TXNRD2: variants seen among roughly 807,000 people sequenced by gnomAD.
TXNRD2 encodes thioredoxin reductase 2, mitochondrial.
In TXNRD2, 67 loss-of-function variants were observed where a neutral mutation model predicts 70.8. The ratio of observed to expected loss-of-function variants is 0.95; its 90% CI spans 0.78 to 1.16. TXNRD2 has a LOEUF of 1.16. Ranked by LOEUF, TXNRD2 falls within the 50% of genes most tolerant of loss-of-function variation. TXNRD2 has a pLI of 0.00. For missense variants in TXNRD2, 644 were observed against 719.9 expected, an observed-to-expected ratio of 0.89 and a Z score of 1.21; for synonymous variants, 301 against 295.8, an observed-to-expected ratio of 1.02 and a Z score of -0.18.
At chr22:19,940,751 G>A (rs1246749445) in intron 1 of TXNRD2, among the ~76,000 whole-genome samples, 2 of 152,162 alleles carry the variant, frequency 1.3e-5, no homozygotes, top group Non-Finnish European at 2.9e-5. Flanking sequence ...AAGAAGCTTT[G>A]AAAGATGGAG....
At chr22:19,890,786 G>A (rs1019103705) in intron 11 of TXNRD2, among the ~76,000 whole-genome samples, 5 of 152,200 alleles carry the variant, frequency 3.3e-5, no homozygotes, top group African/African-American at 7.2e-5. Flanking sequence ...CTGAGTCTGC[G>A]GTGTACGGGA....
At chr22:19,912,972 C>T (rs1198860737) in intron 7 of TXNRD2, among the ~76,000 whole-genome samples, 1 of 152,326 alleles carries the variant, frequency 6.6e-6, no homozygotes, top group South Asian at 2.1e-4. Context: ...CCGAGAGAGC[C>T]GTGGTCTTCA....
chr22:19,905,311 G>A (rs1381883396), intron 8 of TXNRD2, among the ~76,000 whole-genome samples: 2 of 151,992 alleles, frequency 1.3e-5, no homozygotes, highest in African/African-American at 2.4e-5. Context: ...CCTTCTAAAC[G>A]AAAGAGCTTT....
intron 1 of TXNRD2, among the ~76,000 whole-genome samples, chr22:19,938,389 C>A (rs987415370): frequency 6.6e-6 from 1 of 152,156 alleles, no homozygotes; most frequent in East Asian, 1.9e-4. Flanking sequence ...TGGGCTCCAG[C>A]GGTGAAAAAG....
Position 19,875,633 on chromosome 22 carries a change from T to TG in TXNRD2, c.*239dup, listed in dbSNP as rs59339361. 1,696 of 151,090 alleles carry TG rather than the reference T, an allele frequency of 0.011. 20 individuals carry two copies. Among genetic ancestry groups the TG allele is most frequent in the Admixed American group, 0.039 (588 of 15,176 alleles). The allele number at this position is 151,090 out of a possible 1,614,324, so 9.4% of individuals were successfully genotyped here. On this transcript the variant is annotated 3_prime_UTR_variant, in exon 18 of 18. Transcript: ENST00000400521. ...TCGTCATCATCTGGCACCAGGAGCC[T>TG]GGGGGGGGGTGCCCGGCGGCAGAGG...
chr22:19,934,468 G>T (rs1010452259), intron 1 of TXNRD2, among the ~76,000 whole-genome samples: 9 of 151,946 alleles, frequency 5.9e-5, no homozygotes, highest in African/African-American at 2.2e-4. Context: ...CCCGAATGGA[G>T]GGACTGGCTG....
intron 11 of TXNRD2, among the ~76,000 whole-genome samples, chr22:19,889,627 A>T (rs1374791989): frequency 6.6e-6 from 1 of 150,388 alleles, no homozygotes; most frequent in East Asian, 2.0e-4. Flanking sequence ...AACAAAAAAC[A>T]ATTATTATTA....
At chr22:19,938,572 T>C (rs561324485) in intron 1 of TXNRD2, among the ~76,000 whole-genome samples, 1 of 152,284 alleles carries the variant, frequency 6.6e-6, no homozygotes, top group African/African-American at 2.4e-5. Flanking sequence ...TAGAAGGTGT[T>C]AGAAAAGCTG....
chr22:19,907,689 G>GCA (rs1569091111), intron 8 of TXNRD2, among the ~76,000 whole-genome samples: 2 of 41,224 alleles, frequency 4.9e-5, no homozygotes, highest in Non-Finnish European at 4.8e-5. Context: ...GAGTGTGGGC[G>GCA]CCGTGGGTAG....
rs117780043 is a variant in TXNRD2 at position 19,890,840 on chromosome 22, G to A, written c.949+4567C>T. Among the ~76,000 whole-genome samples, 69 of 152,338 alleles carry A rather than the reference G, an allele frequency of 4.5e-4. 2 individuals are homozygous for A. The East Asian group carries it at 0.013, about 28-fold the overall frequency. ...CTGAGCAAAGACAGTTGCCTGCCGT[G>A]TACATGCCAGCAAACAGTGCCTGGG... On this transcript the variant is annotated intron_variant, in intron 11 of 17. Coordinates refer to ENST00000400521, the MANE Select transcript of TXNRD2 (RefSeq NM_006440.5).
At chr22:19,929,326 CAAAA>C (rs34528546) in intron 2 of TXNRD2, among the ~76,000 whole-genome samples, 1 of 84,422 alleles carries the variant, frequency 1.2e-5, no homozygotes. Context: ...GACTCCATCT[CAAAA>C]AAAAAAAAAA....
chr22:19,907,937 G>T, intron 8 of TXNRD2, among the ~76,000 whole-genome samples: 1 of 79,624 alleles, frequency 1.3e-5, no homozygotes, highest in Non-Finnish European at 2.3e-5. Flanking sequence ...ACCATGGGTA[G>T]CAGTGACAGC....
At chr22:19,936,477 C>G (rs1941543225) in intron 1 of TXNRD2, among the ~76,000 whole-genome samples, 1 of 152,158 alleles carries the variant, frequency 6.6e-6, no homozygotes, top group African/African-American at 2.4e-5. Flanking sequence ...TCTATGCTAA[C>G]TCTTCCCTCT....
At position 19,902,082 on chromosome 22, in the gene TXNRD2, G is replaced by A. The variant is rs146844879; in HGVS notation, c.663-3014C>T. Among the ~76,000 whole-genome samples the A allele has an allele frequency of 5.3e-3, 811 of 152,212 alleles. 5 individuals are homozygous for A. The highest frequency in any genetic ancestry group is 0.018 in the African/African-American group (768 of 41,534). ...CATGGTGGTATGCACCTGTAGTCCC[G>A]GCTACTCGGGAGGCTGAGGAAGGAG... On this transcript the variant is annotated intron_variant, in intron 8 of 17. Coordinates refer to ENST00000400521, the MANE Select transcript of TXNRD2 (RefSeq NM_006440.5).
chr22:19,906,749 T>C (rs979167508), intron 8 of TXNRD2, among the ~76,000 whole-genome samples: 5 of 152,100 alleles, frequency 3.3e-5, no homozygotes, highest in Admixed American at 2.6e-4. Flanking sequence ...CCACGATCAG[T>C]GGGTCCAATG....
chr22:19,905,017 G>A (rs1939942974), intron 8 of TXNRD2, among the ~76,000 whole-genome samples: 1 of 152,170 alleles, frequency 6.6e-6, no homozygotes. Flanking sequence ...CTCAGCCCCA[G>A]CCCAAGCTGA....
chr22:19,898,074 T>C lies in TXNRD2; in HGVS notation c.739A>G (p.Met247Val), dbSNP rs776978897. 2 of 1,565,194 alleles carry C rather than the reference T, an allele frequency of 1.3e-6. No individual in the cohort carries two copies. The highest frequency in any genetic ancestry group is 1.7e-6 in the Non-Finnish European group (2 of 1,155,326). ...CCGCGGAGGGGGATGCTGCGCATCA[T>C]GATGGTGGTGTCCAGCCCAATCCCG... is the stretch of plus-strand genomic sequence containing the variant. ...LTGIGLDTTI[M>V]MRSIPLRGFD... The change falls in exon 10 of 18, where the codon ATG becomes GTG. Residue 247 changes from methionine (M) to valine (V), a missense_variant. Met to Val is a conservative substitution (Grantham distance 21). Transcript: ENST00000400521.
chr22:19,928,309 T>C (rs1475437244), intron 2 of TXNRD2, among the ~76,000 whole-genome samples: 1 of 151,492 alleles, frequency 6.6e-6, no homozygotes, highest in African/African-American at 2.4e-5. Context: ...GGCCAAAAGG[T>C]GGAAACAATT....
At chr22:19,936,042 G>A (rs1336891530) in intron 1 of TXNRD2, among the ~76,000 whole-genome samples, 1 of 152,158 alleles carries the variant, frequency 6.6e-6, no homozygotes, top group East Asian at 1.9e-4. Flanking sequence ...TCAGGGCAGT[G>A]GAAGAACACT....
Sources: allele counts gnomAD v4.1 joint callset (sites outside exome capture counted in the v4.1 genomes callset), GRCh38; gene constraint gnomAD v4.1.1; transcripts MANE v1.5; gene names NCBI Gene and HGNC (gene_info 2026-07-23, HGNC 2026-07-21).